CSF1R: variants seen among roughly 807,000 people sequenced by gnomAD.
The protein encoded by CSF1R is macrophage colony-stimulating factor 1 receptor.
Under a neutral mutation model 110.0 loss-of-function variants are expected in CSF1R, and 40 were observed. That is an observed-to-expected ratio of 0.36 (90% confidence interval 0.28 to 0.47). The LOEUF (loss-of-function observed/expected upper bound fraction) is 0.47. Ranked by LOEUF, CSF1R falls within the 20% of genes least tolerant of loss-of-function variation. The probability of loss-of-function intolerance (pLI) is 0.99; values close to 1 mark genes in which losing one functional copy is unlikely to be tolerated. For synonymous variants in CSF1R, 523 were observed against 503.4 expected, an observed-to-expected ratio of 1.04 and a Z score of -0.52; for missense variants, 1,052 against 1,253.0, an observed-to-expected ratio of 0.84 and a Z score of 2.42.
At chr5:150,097,858 G>T (rs901564083) in intron 1 of CSF1R, among the ~76,000 whole-genome samples, 7 of 152,178 alleles carry the variant, frequency 4.6e-5, no homozygotes, top group Non-Finnish European at 1.0e-4. Flanking sequence ...TCAACAAAGT[G>T]CCAATCAAAA....
chr5:150,080,874 C>T lies in CSF1R; in HGVS notation c.200G>A (p.Ser67Asn), dbSNP rs147989288. Residue 67 changes from serine (S) to asparagine (N), a missense_variant, in exon 2 of 21, where the codon AGC becomes AAC. Physicochemically the swap from Ser to Asn is conservative, Grantham distance 46 (BLOSUM62 1). Transcript: ENST00000675795. ...HWTLYSDGSS[S>N]ILSTNNATFQ... is the part of the protein sequence containing the mutation. ...GGTAGCGTTGTTGGTGCTGAGGATG[C>T]TGCTGGAGCCATCAGAGTACAGGGT... 5.3e-5 allele frequency: 86 copies of T among 1,614,054 alleles called. No individual in the cohort carries two copies. The highest frequency in any genetic ancestry group is 6.8e-5 in the Non-Finnish European group (80 of 1,180,042).
chr5:150,100,642 C>G (rs1023467674), intron 1 of CSF1R, among the ~76,000 whole-genome samples: 1 of 152,030 alleles, frequency 6.6e-6, no homozygotes, highest in Non-Finnish European at 1.5e-5. Context: ...TAAATTGATA[C>G]AACCACTTGG....
chr5:150,105,193 A>G (rs1490302317), intron 1 of CSF1R, among the ~76,000 whole-genome samples: 5 of 150,408 alleles, frequency 3.3e-5, no homozygotes, highest in African/African-American at 1.2e-4. Flanking sequence ...CTAAAAATAC[A>G]AAACATCAGC....
chr5:150,086,672 C>A (rs1181335005), upstream of CSF1R: 1 of 474,626 alleles, frequency 2.1e-6, no homozygotes, highest in East Asian at 3.2e-5. Flanking sequence ...AGCCTTGAAC[C>A]CAAGAGGGAG....
chr5:150,073,365 C>T lies in CSF1R; in HGVS notation c.1018G>A (p.Gly340Arg). 6.2e-7 allele frequency: 1 copy of T among 1,614,010 alleles called. No homozygotes were observed. The highest frequency in any genetic ancestry group is 8.5e-7 in the Non-Finnish European group (1 of 1,179,978). The change falls in exon 6 of 21, where the codon GGA (glycine) becomes AGA (arginine). Residue 340 changes from glycine (G) to arginine (R), a missense_variant. Gly to Arg is a moderately radical substitution (Grantham distance 125). Transcript: ENST00000675795. ...TCAGGCTGGTGGTCAGAAAAGGGTC[C>T]CAGGTAGGTCCAGTTAAAACCTTGC... ...GLQGFNWTYL[G>R]PFSDHQPEPK... is the part of the protein sequence containing the mutation.
chr5:150,079,020 C>T (rs1278259336), intron 3 of CSF1R, among the ~76,000 whole-genome samples: 1 of 152,222 alleles, frequency 6.6e-6, no homozygotes, highest in Non-Finnish European at 1.5e-5. Flanking sequence ...CAGCAAGATG[C>T]CTGATGCACA....
In CSF1R at chr5:150,062,652, A is replaced by G. The variant is rs182471941; in HGVS notation, c.1627-803T>C. ...CATCCACATACTTTCTTGAACATCT[A>G]TTTGTGTCAGGCACCGCTGATTCAG... On this transcript the variant is annotated intron_variant, in intron 10 of 20. Transcript: ENST00000675795. 7.2e-5 allele frequency among the ~76,000 whole-genome samples: 11 copies of G among 152,326 alleles called. No individual in the cohort carries two copies. The East Asian group carries it at 2.1e-3, about 29-fold the overall frequency.
chr5:150,082,031 T>C (rs1366621129), intron 1 of CSF1R, among the ~76,000 whole-genome samples: 1 of 152,218 alleles, frequency 6.6e-6, no homozygotes, highest in African/African-American at 2.4e-5. Context: ...CGGTTTCCGC[T>C]CAGCCTGTGG....
In CSF1R at chr5:150,077,412, G is replaced by C. The variant is rs1758316091; in HGVS notation, c.753C>G (p.Asp251Glu). The change falls in exon 5 of 21, where the codon GAC (aspartate) becomes GAG (glutamate). Residue 251 changes from aspartate to glutamate, a missense_variant. Asp to Glu is a conservative substitution (Grantham distance 45, BLOSUM62 2). Transcript: ENST00000675795. ...CTTTTTGGTAACGGTTATTATGAAA[G>C]TCAGATTGTTGAGGGATTGCGAGCT... ...NTKLAIPQQSDFHNNRYQKVL... is the reference protein window; with the variant it reads ...NTKLAIPQQSEFHNNRYQKVL... The C allele has an allele frequency of 6.2e-7, 1 of 1,613,426 alleles. No individual in the cohort carries two copies. The highest frequency in any genetic ancestry group is 8.5e-7 in the Non-Finnish European group (1 of 1,179,342).
chr5:150,054,992 T>TC (rs1383930737), intron 19 of CSF1R, among the ~76,000 whole-genome samples: 1 of 69,664 alleles, frequency 1.4e-5, no homozygotes, highest in African/African-American at 9.3e-5. Context: ...AGATGCTGTC[T>TC]CAAAAAAAAA....
intron 1 of CSF1R, among the ~76,000 whole-genome samples, chr5:150,082,317 C>A (rs1394142757): frequency 1.3e-5 from 2 of 152,244 alleles, no homozygotes; most frequent in East Asian, 3.8e-4. Context: ...ATTCCCCCTG[C>A]CCCACCATAG....
upstream of CSF1R, among the ~76,000 whole-genome samples, chr5:150,090,519 C>G (rs1759005625): frequency 6.6e-6 from 1 of 152,138 alleles, no homozygotes; most frequent in African/African-American, 2.4e-5. Flanking sequence ...TCCACAATGT[C>G]TTTGTGCTTT....
chr5:150,065,779 A>T (rs1470310342), intron 10 of CSF1R, among the ~76,000 whole-genome samples: 1 of 152,218 alleles, frequency 6.6e-6, no homozygotes, highest in East Asian at 1.9e-4. Flanking sequence ...CTCCAGGGGC[A>T]GCTGAATTTC....
At chr5:150,102,614 G>A (rs995622790) in intron 1 of CSF1R, among the ~76,000 whole-genome samples, 9 of 151,934 alleles carry the variant, frequency 5.9e-5, no homozygotes, top group African/African-American at 2.2e-4. Context: ...CGAGTAGCTG[G>A]GATTACAGGC....
At chr5:150,084,393 A>AAGAG (rs1758724559) in intron 1 of CSF1R, among the ~76,000 whole-genome samples, 1 of 35,414 alleles carries the variant, frequency 2.8e-5, no homozygotes, top group Admixed American at 2.2e-4. Flanking sequence ...GAAAGAAAGA[A>AAGAG]GGAAGGAAGG....
rs573002484 is a variant in CSF1R at position 150,080,530 on chromosome 5, T to G, written c.308-194A>C. Among the ~76,000 whole-genome samples the G allele has an allele frequency of 2.6e-5, 4 of 152,314 alleles. No individual in the cohort carries two copies. The South Asian group carries it at 8.3e-4, about 32-fold the overall frequency. On this transcript the variant is annotated intron_variant, in intron 2 of 20. Coordinates refer to ENST00000675795, the MANE Select transcript of CSF1R (RefSeq NM_001288705.3). ...CACCTGGGCTCCAGTCTAGTCCCAC[T>G]ATGTGAGGCTGTGTGACCTTGGATA... is the stretch of plus-strand genomic sequence containing the variant.
chr5:150,089,616 C>A (rs1758972289), upstream of CSF1R, among the ~76,000 whole-genome samples: 1 of 152,182 alleles, frequency 6.6e-6, no homozygotes, highest in African/African-American at 2.4e-5. Flanking sequence ...GCGGTACTCT[C>A]AAAGTGAGAC....
chr5:150,112,077 A>G (rs1187835238), intron 1 of CSF1R, among the ~76,000 whole-genome samples: 4 of 151,670 alleles, frequency 2.6e-5, no homozygotes, highest in Admixed American at 2.0e-4. Flanking sequence ...TAACCTTTGT[A>G]TGGAAAATGT....
intron 1 of CSF1R, among the ~76,000 whole-genome samples, chr5:150,111,362 C>T (rs891872748): frequency 6.6e-6 from 1 of 152,196 alleles, no homozygotes. Context: ...TCCCTGGGCC[C>T]GCCTGAGGGG....
Sources: allele counts gnomAD v4.1 joint callset (sites outside exome capture counted in the v4.1 genomes callset), GRCh38; gene constraint gnomAD v4.1.1; transcripts MANE v1.5; gene names NCBI Gene and HGNC (gene_info 2026-07-23, HGNC 2026-07-21).